The following VCPIP1 variants were observed in gnomAD, a reference collection of about 807,000 sequenced individuals.
VCPIP1 encodes valosin containing protein interacting protein 1.
A neutral mutation model predicts 85.0 loss-of-function variants in VCPIP1; 8 were observed. The observed-to-expected ratio is 0.09, with a 90% CI of 0.06 to 0.17. The LOEUF is 0.17. Among genes scored for constraint, VCPIP1 ranks in the 10% least tolerant of loss-of-function variants. The pLI, the probability that VCPIP1 is intolerant of heterozygous loss-of-function variation, is 1.00. For synonymous variants in VCPIP1, 543 were observed against 544.5 expected, an observed-to-expected ratio of 1.00 and a Z score of 0.04; for missense variants, 1,070 against 1,486.3, an observed-to-expected ratio of 0.72 and a Z score of 4.61.
Position 66,629,127 on chromosome 8 carries a change from T to C in VCPIP1, c.*5374A>G, listed in dbSNP as rs545672412. The C allele has an allele frequency of 1.4e-4, 21 of 152,344 alleles. No homozygotes were observed. The highest frequency in any genetic ancestry group is 1.2e-3 in the Admixed American group (19 of 15,302). The allele number at this position is 152,344 out of a possible 1,614,324, so 9.4% of individuals were successfully genotyped here. On this transcript the variant is annotated 3_prime_UTR_variant, in exon 3 of 3. Transcript: ENST00000310421. ...ACATTAACATATAACATAGCAAATA[T>C]TTGAGTGTTTACTATGTGTCAGGCA...
rs756959403 is a variant in VCPIP1 at position 66,635,323 on chromosome 8, G to A, written c.2847C>T (p.Thr949=). 1 of 1,613,802 alleles carries A rather than the reference G, an allele frequency of 6.2e-7. No homozygotes were observed. The highest frequency in any genetic ancestry group is 1.3e-5 in the African/African-American group (1 of 74,916). Residue 949 remains threonine, a synonymous_variant, in exon 3 of 3, where the codon ACC becomes ACT. Coordinates refer to ENST00000310421, the MANE Select transcript of VCPIP1 (RefSeq NM_025054.5). The part of the protein sequence containing the change: ...HCTFPHLPGK[T]FVYNASEDRL... ...TATCTTCAGAAGCATTATAGACAAA[G>A]GTTTTGCCAGGCAGATGTGGAAAAG...
intron 2 of VCPIP1, among the ~76,000 whole-genome samples, chr8:66,644,794 TAAA>T (rs112573575): frequency 7.3e-6 from 1 of 137,506 alleles, no homozygotes; most frequent in East Asian, 2.1e-4. Flanking sequence ...AAGGGCAATG[TAAA>T]AAAAAAAAAA....
chr8:66,649,437 A>G (rs1156374577), intron 2 of VCPIP1, among the ~76,000 whole-genome samples: 3 of 152,048 alleles, frequency 2.0e-5, no homozygotes, highest in Non-Finnish European at 4.4e-5. Context: ...ACCTAAGCCC[A>G]GGTCAAGGCT....
At chr8:66,647,990 A>G (rs1485125700) in intron 2 of VCPIP1, among the ~76,000 whole-genome samples, 1 of 151,756 alleles carries the variant, frequency 6.6e-6, no homozygotes, top group Non-Finnish European at 1.5e-5. Context: ...TTTAGTAGGG[A>G]TGGGGTTTCA....
intron 1 of VCPIP1, among the ~76,000 whole-genome samples, chr8:66,652,789 G>A (rs1284788872): frequency 1.3e-5 from 2 of 152,070 alleles, no homozygotes; most frequent in African/African-American, 2.4e-5. Flanking sequence ...ATAAAGAATG[G>A]CAGGAACATA....
Position 66,666,453 on chromosome 8 carries a change from A to G in VCPIP1, c.506T>C (p.Leu169Pro). The G allele has an allele frequency of 6.2e-7, 1 of 1,614,176 alleles. No homozygotes were observed. The highest frequency in any genetic ancestry group is 8.5e-7 in the Non-Finnish European group (1 of 1,180,036). Reference protein sequence around the residue: ...DCALLGDRAFLIEPEHVNTVG... With the variant: ...DCALLGDRAFPIEPEHVNTVG... ...AGTGTTAACATGCTCTGGTTCTATG[A>G]GGAAGGCGCGGTCACCCAGTAAGGC... Residue 169 changes from leucine (L) to proline (P), a missense_variant, in exon 1 of 3, where the codon CTC becomes CCC. Transcript: ENST00000310421. The surrounding 1 kb of genome is among the most constrained non-coding windows in gnomAD (Gnocchi z 6.3).
rs575369198 is a variant in VCPIP1 at position 66,655,897 on chromosome 8, A to G, written c.2711-4353T>C. 9.2e-5 allele frequency among the ~76,000 whole-genome samples: 14 copies of G among 152,238 alleles called. 1 individual carries two copies. The highest frequency in any genetic ancestry group is 3.4e-4 in the African/African-American group (14 of 41,554). On this transcript the variant is annotated intron_variant, in intron 1 of 2. Transcript: ENST00000310421. The stretch of plus-strand genomic sequence containing the variant: ...CAATGTACTGTGTATATATAAATGT[A>G]GAAAAAAAATCTATACTACTGCCTT...
At chr8:66,638,359 T>C (rs1810909394) in intron 2 of VCPIP1, among the ~76,000 whole-genome samples, 1 of 151,672 alleles carries the variant, frequency 6.6e-6, no homozygotes, top group South Asian at 2.1e-4. Flanking sequence ...TAGTGGCATA[T>C]GCCTGTAGTC....
intron 1 of VCPIP1, among the ~76,000 whole-genome samples, chr8:66,652,320 T>C (rs1811061996): frequency 6.6e-6 from 1 of 152,284 alleles, no homozygotes; most frequent in South Asian, 2.1e-4. Flanking sequence ...TATTGAAAGA[T>C]ATTTTTGGGC....
At chr8:66,661,488 C>G (rs891699082) in intron 1 of VCPIP1, among the ~76,000 whole-genome samples, 1 of 152,088 alleles carries the variant, frequency 6.6e-6, no homozygotes, top group Non-Finnish European at 1.5e-5. Context: ...GTAATCCCAG[C>G]ACTTTGGGAG....
intron 2 of VCPIP1, among the ~76,000 whole-genome samples, chr8:66,636,119 C>T (rs1485039943): frequency 1.3e-5 from 2 of 150,232 alleles, no homozygotes; most frequent in African/African-American, 4.9e-5. Flanking sequence ...GTCCCAGCTA[C>T]TGGGGAGGCT....
chr8:66,637,003 A>T (rs1207785943), intron 2 of VCPIP1, among the ~76,000 whole-genome samples: 1 of 152,200 alleles, frequency 6.6e-6, no homozygotes, highest in African/African-American at 2.4e-5. Flanking sequence ...TTTAAATGAT[A>T]GGTGATGTTT....
chr8:66,640,704 TGGCTTGACGGGGGGTACTTCA>T (rs1237719908), intron 2 of VCPIP1, among the ~76,000 whole-genome samples: 2 of 86,246 alleles, frequency 2.3e-5, no homozygotes, highest in African/African-American at 2.6e-4. Flanking sequence ...TTCAAAGGGA[TGGCTTGACGGGGGGTACTTCA>T]GGGAAGAGTT....
intron 2 of VCPIP1, among the ~76,000 whole-genome samples, chr8:66,638,970 C>CTCTCTCTATA: frequency 7.6e-5 from 9 of 118,428 alleles, no homozygotes; most frequent in South Asian, 5.5e-4. Flanking sequence ...CTCTCTCTCT[C>CTCTCTCTATA]TATATATATA....
At position 66,665,012 on chromosome 8, in the gene VCPIP1, G is replaced by C. The variant is rs143989761; in HGVS notation, c.1947C>G (p.His649Gln). The C allele has an allele frequency of 1.1e-5, 17 of 1,613,694 alleles. No homozygotes were observed. Among genetic ancestry groups the C allele is most frequent in the Non-Finnish European group, 1.4e-5 (17 of 1,179,824 alleles). ...TTTTGGCAGTCTGATGCAATATAGTGTGGACAACTTTCTGAACTAGGATTT... is the reference window on the plus strand; with the variant it reads ...TTTTGGCAGTCTGATGCAATATAGTCTGGACAACTTTCTGAACTAGGATTT... Reference protein sequence around the residue: ...GSEILVQKVVHTILHQTAKKN... With the variant: ...GSEILVQKVVQTILHQTAKKN... Residue 649 changes from histidine (H) to glutamine (Q), a missense_variant, in exon 1 of 3, where the codon CAC (histidine) becomes CAG (glutamine). Physicochemically the swap from His to Gln is conservative, Grantham distance 24. Transcript: ENST00000310421. The surrounding 1 kb of genome is among the most constrained non-coding windows in gnomAD (Gnocchi z 4.3).
Position 66,634,553 on chromosome 8 carries a change from T to C in VCPIP1, c.3617A>G (p.Asp1206Gly). 6.2e-7 allele frequency: 1 copy of C among 1,613,682 alleles called. No homozygotes were observed. The highest frequency in any genetic ancestry group is 8.5e-7 in the Non-Finnish European group (1 of 1,179,798). ...GTTAGTCATCTCAGCATCTTGACTA[T>C]CCATCTCTTCAAGCTCCTCCACGGA... ...GNSVEELEEM[D>G]SQDAEMTNTT... Residue 1206 changes from aspartate to glycine, a missense_variant, in exon 3 of 3, where the codon GAT becomes GGT. Coordinates refer to ENST00000310421, the MANE Select transcript of VCPIP1 (RefSeq NM_025054.5).
rs2130135392 is a variant in VCPIP1, at chr8:66,629,388, T to A, written c.*5113A>T. On this transcript the variant is annotated 3_prime_UTR_variant, in exon 3 of 3. Transcript: ENST00000310421. ...ACTTGGAAGTAAACGTGTTGACTGCTAAGCTACACAAACGTTATTTAGTAC... is the reference window on the plus strand; with the variant it reads ...ACTTGGAAGTAAACGTGTTGACTGCAAAGCTACACAAACGTTATTTAGTAC... 1 of 152,346 alleles carries A rather than the reference T, an allele frequency of 6.6e-6. No individual in the cohort carries two copies. Among genetic ancestry groups the A allele is most frequent in the African/African-American group, 2.4e-5 (1 of 41,586 alleles). 9.4% of individuals were successfully genotyped at this position (152,346 alleles called of 1,614,324 possible). A position where few individuals can be genotyped will look rare whatever the true frequency, so the allele number is the denominator to read the frequency against.
intron 2 of VCPIP1, among the ~76,000 whole-genome samples, chr8:66,644,654 G>A (rs1398198846): frequency 6.6e-6 from 1 of 152,088 alleles, no homozygotes; most frequent in Non-Finnish European, 1.5e-5. Flanking sequence ...TGAACTAAAG[G>A]TCCTAGCCAT....
intron 2 of VCPIP1, among the ~76,000 whole-genome samples, chr8:66,646,235 A>T (rs1214626199): frequency 6.6e-6 from 1 of 151,778 alleles, no homozygotes; most frequent in Non-Finnish European, 1.5e-5. Flanking sequence ...ACCACACCTG[A>T]CTAATTTTTA....
Sources: allele counts gnomAD v4.1 joint callset (sites outside exome capture counted in the v4.1 genomes callset), GRCh38; gene constraint gnomAD v4.1.1; non-coding constraint Gnocchi (gnomAD v3.1); transcripts MANE v1.5; gene names NCBI Gene and HGNC (gene_info 2026-07-23, HGNC 2026-07-21).